Variants in MRPL13 observed in about 807,000 individuals in gnomAD.
MRPL13 encodes mitochondrial ribosomal protein L13, also known as large ribosomal subunit protein uL13m.
A neutral mutation model predicts 29.0 loss-of-function variants in MRPL13; 33 were observed. The ratio of observed to expected loss-of-function variants is 1.14; its 90% CI spans 0.86 to 1.52. The LOEUF is 1.52. Ranked by LOEUF, MRPL13 falls within the 40% of genes most tolerant of loss-of-function variation. The probability of loss-of-function intolerance (pLI) is 0.00; values close to 1 mark genes in which losing one functional copy is unlikely to be tolerated. For synonymous variants in MRPL13, 77 were observed against 68.4 expected, an observed-to-expected ratio of 1.13 and a Z score of -0.62; for missense variants, 227 against 216.7, an observed-to-expected ratio of 1.05 and a Z score of -0.30.
In MRPL13 at chr8:120,413,990, C is replaced by A. The variant is rs746654760; in HGVS notation, c.515+1G>T. The A allele has an allele frequency of 3.2e-6, 5 of 1,544,196 alleles. No homozygotes were observed. The highest frequency in any genetic ancestry group is 3.5e-6 in the Non-Finnish European group (4 of 1,153,498). On this transcript the variant is annotated splice_donor_variant, in intron 6 of 6. Transcript: ENST00000306185. LOFTEE classifies it high-confidence loss of function. ...AAAACAAGAAGAAGGGAAACACTTA[C>A]GGAGTCCACAATCTTGGGAAGGCGT...
intron 6 of MRPL13, among the ~76,000 whole-genome samples, chr8:120,397,235 C>A (rs62528295): frequency 0.56 from 85,054 of 151,474 alleles, 25,710 homozygotes; most frequent in Non-Finnish European, 0.67. Flanking sequence ...AGAGTCTTGG[C>A]AGAGCAGTTG....
chr8:120,411,780 G>A (rs1029447869), intron 6 of MRPL13, among the ~76,000 whole-genome samples: 1 of 152,054 alleles, frequency 6.6e-6, no homozygotes, highest in Non-Finnish European at 1.5e-5. Flanking sequence ...TATTCCCAGA[G>A]TAGTAACTAA....
At chr8:120,441,635 A>G (rs1436426028) in intron 2 of MRPL13, among the ~76,000 whole-genome samples, 1 of 152,236 alleles carries the variant, frequency 6.6e-6, no homozygotes, top group African/African-American at 2.4e-5. Flanking sequence ...TTAAAGGAAC[A>G]TAACAACTAA....
chr8:120,418,913 A>G (rs897539079), intron 5 of MRPL13, among the ~76,000 whole-genome samples: 21 of 152,050 alleles, frequency 1.4e-4, no homozygotes, highest in African/African-American at 4.6e-4. Context: ...CTTACTCATT[A>G]TTAATAACTA....
intron 2 of MRPL13, among the ~76,000 whole-genome samples, chr8:120,441,671 T>C (rs1168798196): frequency 6.6e-6 from 1 of 152,108 alleles, no homozygotes; most frequent in Non-Finnish European, 1.5e-5. Context: ...CTAGGTTGCA[T>C]CCTGGTTCAA....
chr8:120,410,831 G>C (rs571863543), intron 6 of MRPL13, among the ~76,000 whole-genome samples: 104 of 151,872 alleles, frequency 6.8e-4, no homozygotes, highest in Non-Finnish European at 1.0e-3. Flanking sequence ...ACGCAGGCTG[G>C]AGTGCAATGG....
At chr8:120,434,898 T>C (rs1410543574) in intron 2 of MRPL13, among the ~76,000 whole-genome samples, 2 of 152,158 alleles carry the variant, frequency 1.3e-5, no homozygotes, top group Non-Finnish European at 2.9e-5. Flanking sequence ...TGTATAATTT[T>C]TTTGGTCCTA....
At chr8:120,401,097 A>T (rs1812590941) in intron 6 of MRPL13, among the ~76,000 whole-genome samples, 1 of 152,148 alleles carries the variant, frequency 6.6e-6, no homozygotes. Flanking sequence ...TACCATGGCT[A>T]CTGAAACTAT....
intron 4 of MRPL13, among the ~76,000 whole-genome samples, chr8:120,422,791 G>A (rs1332162593): frequency 6.6e-6 from 1 of 151,668 alleles, no homozygotes; most frequent in Non-Finnish European, 1.5e-5. Context: ...TAAGTCTAAA[G>A]TTCAGCTCAA....
intron 1 of MRPL13, 26 bp from the exon 2 acceptor site, chr8:120,443,334 AAGAGG>A: frequency 2.1e-6 from 3 of 1,430,686 alleles, no homozygotes; most frequent in East Asian, 2.4e-5. Flanking sequence ...AAAAAAAAAG[AAGAGG>A]AAAAAATAAA....
At chr8:120,439,688 C>CA (rs1813094758) in intron 2 of MRPL13, among the ~76,000 whole-genome samples, 1 of 152,076 alleles carries the variant, frequency 6.6e-6, no homozygotes, top group Non-Finnish European at 1.5e-5. Context: ...GCTTGAAAAA[C>CA]AAAGATTAAA....
At chr8:120,412,858 T>C (rs1009622038) in intron 6 of MRPL13, among the ~76,000 whole-genome samples, 1 of 152,196 alleles carries the variant, frequency 6.6e-6, no homozygotes, top group Non-Finnish European at 1.5e-5. Flanking sequence ...GAATCCTTAA[T>C]ATACCATTTA....
intron 5 of MRPL13, among the ~76,000 whole-genome samples, chr8:120,418,929 G>A (rs1019229937): frequency 6.6e-6 from 1 of 151,966 alleles, no homozygotes; most frequent in Non-Finnish European, 1.5e-5. Flanking sequence ...AACTATTCAT[G>A]TATTGTTTAA....
intron 2 of MRPL13, among the ~76,000 whole-genome samples, chr8:120,438,470 G>C (rs12678788): frequency 0.077 from 11,722 of 152,252 alleles, 656 homozygotes; most frequent in East Asian, 0.19. Flanking sequence ...CCATATCTAA[G>C]GTATGCTTTT....
At chr8:120,444,848 A>G in intron 1 of MRPL13, 4 of 356,184 alleles carry the variant, frequency 1.1e-5, no homozygotes, top group Non-Finnish European at 2.2e-5. Context: ...CCCAAGAAAG[A>G]CATGAAAAGG....
At chr8:120,399,468 C>T (rs577217059) in intron 6 of MRPL13, among the ~76,000 whole-genome samples, 8 of 152,270 alleles carry the variant, frequency 5.3e-5, no homozygotes, top group African/African-American at 1.9e-4. Context: ...CACCACCAGG[C>T]CTGCCTTGCA....
chr8:120,435,757 A>G, intron 2 of MRPL13, among the ~76,000 whole-genome samples: 1 of 152,138 alleles, frequency 6.6e-6, no homozygotes, highest in African/African-American at 2.4e-5. Flanking sequence ...GTGTAAAAGC[A>G]TGCCCTTTTC....
At chr8:120,411,841 C>T (rs574029190) in intron 6 of MRPL13, among the ~76,000 whole-genome samples, 1 of 152,148 alleles carries the variant, frequency 6.6e-6, no homozygotes, top group African/African-American at 2.4e-5. Context: ...TTAAAAATAG[C>T]TATAGAAAAG....
intron 6 of MRPL13, among the ~76,000 whole-genome samples, chr8:120,396,552 C>A (rs1156670921): frequency 6.6e-6 from 1 of 152,012 alleles, no homozygotes; most frequent in Non-Finnish European, 1.5e-5. Context: ...TTATCATATG[C>A]TAAATTTAAT....
Sources: allele counts gnomAD v4.1 joint callset (sites outside exome capture counted in the v4.1 genomes callset), GRCh38; gene constraint gnomAD v4.1.1; transcripts MANE v1.5; gene names NCBI Gene and HGNC (gene_info 2026-07-23, HGNC 2026-07-21).